The following AGAP1 variants were observed in gnomAD, a reference collection of about 807,000 sequenced individuals.
AGAP1 encodes the protein arf-GAP with GTPase, ANK repeat and PH domain-containing protein 1.
A neutral mutation model predicts 105.3 loss-of-function variants in AGAP1; 29 were observed. That is an observed-to-expected ratio of 0.28 (90% CI 0.21 to 0.38). AGAP1 has a LOEUF of 0.38. Ranked by LOEUF, AGAP1 falls within the 10% of genes least tolerant of loss-of-function variation. The probability of loss-of-function intolerance (pLI) is 1.00; values close to 1 mark genes in which losing one functional copy is unlikely to be tolerated. For missense variants in AGAP1, 998 were observed against 1,165.1 expected, an observed-to-expected ratio of 0.86 and a Z score of 2.09; for synonymous variants, 509 against 485.9, an observed-to-expected ratio of 1.05 and a Z score of -0.63.
chr2:235,728,567 G>C lies in AGAP1; in HGVS notation c.310+10923G>C, dbSNP rs1951775054. Reference sequence around the variant, plus strand: ...GTCTGTGTGCAGGAGGAGTGCTAGTGTGAGAGCTGCTGGTGCCTGCCCTGG... The same window carrying C: ...GTCTGTGTGCAGGAGGAGTGCTAGTCTGAGAGCTGCTGGTGCCTGCCCTGG... On this transcript the variant is annotated intron_variant, in intron 3 of 17. Coordinates refer to ENST00000304032, the MANE Select transcript of AGAP1 (RefSeq NM_001037131.3). The surrounding 1 kb of genome is among the most constrained non-coding windows in gnomAD (Gnocchi z 4.3). Among the ~76,000 whole-genome samples, 1 of 152,152 alleles carries C rather than the reference G, an allele frequency of 6.6e-6. No individual in the cohort carries two copies. The highest frequency in any genetic ancestry group is 6.5e-5 in the Admixed American group (1 of 15,280).
chr2:235,685,995 A>G (rs573436248), intron 1 of AGAP1, among the ~76,000 whole-genome samples: 9 of 152,302 alleles, frequency 5.9e-5, no homozygotes, highest in African/African-American at 1.9e-4. Context: ...GAGCCTTTCC[A>G]AAGGAGGCAA....
intron 9 of AGAP1, among the ~76,000 whole-genome samples, chr2:235,823,427 C>T (rs1222797580): frequency 6.6e-6 from 1 of 152,088 alleles, no homozygotes; most frequent in Non-Finnish European, 1.5e-5. Context: ...CGAGCCACCA[C>T]GCCCAGCTCT....
At chr2:235,525,152 A>G (rs559437913) in intron 1 of AGAP1, among the ~76,000 whole-genome samples, 48 of 152,330 alleles carry the variant, frequency 3.2e-4, no homozygotes, top group African/African-American at 1.1e-3. Flanking sequence ...TTAAATTTGT[A>G]TTGTATGTCG....
chr2:235,538,131 C>T (rs910952405), intron 1 of AGAP1, among the ~76,000 whole-genome samples: 5 of 152,168 alleles, frequency 3.3e-5, no homozygotes, highest in African/African-American at 1.2e-4. Context: ...CTAATCCATA[C>T]TGTGATGTTG....
At chr2:235,630,040 ATTTTTTTT>A (rs896616003) in intron 1 of AGAP1, among the ~76,000 whole-genome samples, 1 of 151,646 alleles carries the variant, frequency 6.6e-6, no homozygotes. Flanking sequence ...ATTACATTTA[ATTTTTTTT>A]TCCAGCAGGA....
At chr2:235,590,395 G>A (rs1428281931) in intron 1 of AGAP1, among the ~76,000 whole-genome samples, 1 of 152,060 alleles carries the variant, frequency 6.6e-6, no homozygotes, top group Non-Finnish European at 1.5e-5. Flanking sequence ...ACAGATTCCC[G>A]GTGTCTGCAC....
Position 235,838,360 on chromosome 2 carries a change from A to T in AGAP1, c.1050+31029A>T, listed in dbSNP as rs147365748. Among the ~76,000 whole-genome samples, 7 of 152,338 alleles carry T rather than the reference A, an allele frequency of 4.6e-5. No homozygotes were observed. The East Asian group carries it at 1.3e-3, about 29-fold the overall frequency. ...TTTTGCCTCCAAAGTGATTTTGCTA[A>T]AAGTATGTGTATATACAGTTTCTGT... On this transcript the variant is annotated intron_variant, in intron 9 of 17. Transcript: ENST00000304032.
intron 3 of AGAP1, among the ~76,000 whole-genome samples, chr2:235,735,920 T>C (rs961900607): frequency 1.3e-5 from 2 of 151,860 alleles, no homozygotes; most frequent in African/African-American, 4.8e-5. Context: ...TCGGGCGAGG[T>C]GAGAGCACTC....
chr2:235,722,918 T>G (rs956676522), intron 3 of AGAP1, among the ~76,000 whole-genome samples: 9 of 151,890 alleles, frequency 5.9e-5, no homozygotes, highest in African/African-American at 1.9e-4. Context: ...ATACACACAC[T>G]AAAAACTCAT....
chr2:235,883,155 C>A lies in AGAP1; in HGVS notation c.1051-190C>A, dbSNP rs1168663661. Among the ~76,000 whole-genome samples, 1 of 151,986 alleles carries A rather than the reference C, an allele frequency of 6.6e-6. No individual in the cohort carries two copies. Among genetic ancestry groups the A allele is most frequent in the East Asian group, 1.9e-4 (1 of 5,182 alleles). On this transcript the variant is annotated intron_variant, in intron 9 of 17. Transcript: ENST00000304032. The surrounding 1 kb of genome is among the most constrained non-coding windows in gnomAD (Gnocchi z 4.5). ...TTTAGCAGTTAATTATCCAAAAGAT[C>A]TAGTGTAGCACGTCTCAATGTGTTT...
rs200205502 is a variant in AGAP1, at chr2:235,721,477, A to G, written c.310+3833A>G. Reference sequence around the variant, plus strand: ...TTGGATTGACAGATTCCTTAATATTATGTGTGTGTGTGTGTGTGTGTGTGT... The same window carrying G: ...TTGGATTGACAGATTCCTTAATATTGTGTGTGTGTGTGTGTGTGTGTGTGT... On this transcript the variant is annotated intron_variant, in intron 3 of 17. Transcript: ENST00000304032. This position sits in a 1 kb window ranked among gnomAD's most constrained non-coding sequence, Gnocchi z 4.5. Among the ~76,000 whole-genome samples the G allele has an allele frequency of 5.3e-5, 8 of 149,730 alleles. No individual in the cohort carries two copies. The highest frequency in any genetic ancestry group is 2.0e-4 in the East Asian group (1 of 5,060).
intron 12 of AGAP1, among the ~76,000 whole-genome samples, chr2:235,935,900 A>C (rs1283296814): frequency 6.6e-6 from 1 of 152,154 alleles, no homozygotes; most frequent in Non-Finnish European, 1.5e-5. Flanking sequence ...ATGCACGTTG[A>C]GATGCGTCAC....
In AGAP1 at chr2:235,931,892, T is replaced by C. The variant is rs2052740023; in HGVS notation, c.1483+969T>C. Among the ~76,000 whole-genome samples, 1 of 152,076 alleles carries C rather than the reference T, an allele frequency of 6.6e-6. No homozygotes were observed. Among genetic ancestry groups the C allele is most frequent in the Non-Finnish European group, 1.5e-5 (1 of 68,008 alleles). On this transcript the variant is annotated intron_variant, in intron 12 of 17. Coordinates refer to ENST00000304032, the MANE Select transcript of AGAP1 (RefSeq NM_001037131.3). This position sits in a 1 kb window ranked among gnomAD's most constrained non-coding sequence, Gnocchi z 5.6. ...ATAGCGGTGCGGGTCTGGAAGAGCC[T>C]TGTGACTTGGAGCAGACACACACAG...
chr2:235,519,947 T>G (rs1942553063), intron 1 of AGAP1, among the ~76,000 whole-genome samples: 1 of 152,126 alleles, frequency 6.6e-6, no homozygotes, highest in South Asian at 2.1e-4. Flanking sequence ...CACACCTGGC[T>G]AATTTTTTTG....
intron 12 of AGAP1, among the ~76,000 whole-genome samples, chr2:235,942,258 T>C (rs1042867590): frequency 6.6e-6 from 1 of 152,128 alleles, no homozygotes; most frequent in East Asian, 1.9e-4. Context: ...GTTCCAGGAG[T>C]CCAGTAGCCA....
chr2:235,646,239 C>T (rs1399490769), intron 1 of AGAP1, among the ~76,000 whole-genome samples: 8 of 141,296 alleles, frequency 5.7e-5, no homozygotes, highest in African/African-American at 2.1e-4. Flanking sequence ...CATTGCACTC[C>T]AGCCTGGGCA....
chr2:235,498,452 G>A (rs1574687280), intron 1 of AGAP1, among the ~76,000 whole-genome samples: 1 of 152,260 alleles, frequency 6.6e-6, no homozygotes, highest in East Asian at 1.9e-4. Flanking sequence ...TGGAGCCTCC[G>A]CAGCCACCAT....
At chr2:235,661,685 A>G (rs1389435891) in intron 1 of AGAP1, among the ~76,000 whole-genome samples, 2 of 152,140 alleles carry the variant, frequency 1.3e-5, no homozygotes, top group East Asian at 3.9e-4. Flanking sequence ...TCCCAGGTGA[A>G]GCCCCTGCTG....
intron 16 of AGAP1, among the ~76,000 whole-genome samples, chr2:236,079,489 G>A (rs759529907): frequency 2.7e-5 from 4 of 150,702 alleles, no homozygotes; most frequent in African/African-American, 7.3e-5. Context: ...AGCTGTGATC[G>A]TGCCACTGCA....
Sources: allele counts gnomAD v4.1 joint callset (sites outside exome capture counted in the v4.1 genomes callset), GRCh38; gene constraint gnomAD v4.1.1; non-coding constraint Gnocchi (gnomAD v3.1); transcripts MANE v1.5; gene names NCBI Gene and HGNC (gene_info 2026-07-23, HGNC 2026-07-21).